Variants in DCC observed in about 807,000 individuals in gnomAD.
The protein encoded by DCC is DCC netrin 1 receptor.
Under a neutral mutation model 172.5 loss-of-function variants are expected in DCC, and 58 were observed. The ratio of observed to expected loss-of-function variants is 0.34; its 90% confidence interval spans 0.27 to 0.42. The LOEUF is 0.42. DCC is among the 10% of genes least tolerant of loss of function. The pLI is 1.00. For missense variants in DCC, 1,740 were observed against 1,791.0 expected, an observed-to-expected ratio of 0.97 and a Z score of 0.51; for synonymous variants, 709 against 644.5, an observed-to-expected ratio of 1.10 and a Z score of -1.52.
chr18:52,812,554 C>G (rs1446724866), intron 2 of DCC, among the ~76,000 whole-genome samples: 1 of 152,114 alleles, frequency 6.6e-6, no homozygotes, highest in Non-Finnish European at 1.5e-5. Flanking sequence ...AGTTATCATC[C>G]AAGTTCAATT....
chr18:53,465,453 GA>G (rs2045609199), intron 24 of DCC, among the ~76,000 whole-genome samples: 1 of 152,064 alleles, frequency 6.6e-6, no homozygotes, highest in South Asian at 2.1e-4. Flanking sequence ...GCTGTCATTT[GA>G]ATTGTTTTAC....
chr18:53,463,569 C>A (rs960701143), intron 24 of DCC, among the ~76,000 whole-genome samples: 1 of 152,074 alleles, frequency 6.6e-6, no homozygotes, highest in Non-Finnish European at 1.5e-5. Context: ...ATGTTAAATT[C>A]TATGATTTGG....
intron 5 of DCC, among the ~76,000 whole-genome samples, chr18:52,947,344 G>C (rs2040564126): frequency 1.3e-5 from 2 of 152,056 alleles, no homozygotes; most frequent in African/African-American, 4.8e-5. Context: ...ATTTGTACTA[G>C]TCAACTCCTT....
intron 1 of DCC, among the ~76,000 whole-genome samples, chr18:52,507,317 G>A (rs559276663): frequency 3.3e-5 from 5 of 152,204 alleles, no homozygotes; most frequent in South Asian, 2.1e-4. Flanking sequence ...AAATTTCTCC[G>A]AGTCAAATAT....
rs34949557 is a variant in DCC, at chr18:53,226,934, G to GTGTATATATATATATA, written c.1911+11338_1911+11339insGTATATATATATATAT. ...TGTAACTGTGTGTGTGTGTGTGTGT[G>GTGTATATATATATATA]TATATATATATATATTTTTTTTTTT... On this transcript the variant is annotated intron_variant, in intron 12 of 28. Transcript: ENST00000442544. Among the ~76,000 whole-genome samples the GTGTATATATATATATA allele has an allele frequency of 4.6e-3, 312 of 67,914 alleles. 5 individuals are homozygous for GTGTATATATATATATA. Among genetic ancestry groups the GTGTATATATATATATA allele is most frequent in the Middle Eastern group, 8.1e-3 (1 of 124 alleles). The allele number at this position is 67,914 out of a possible 152,430, so 44.6% of individuals were successfully genotyped here.
chr18:52,483,800 CTGT>C (rs2144588572), intron 1 of DCC, among the ~76,000 whole-genome samples: 1 of 152,018 alleles, frequency 6.6e-6, no homozygotes, highest in Admixed American at 6.6e-5. Context: ...ATGATTTTCT[CTGT>C]TGTTCTGATC....
At chr18:53,353,851 T>A (rs940719542) in intron 15 of DCC, among the ~76,000 whole-genome samples, 2 of 152,188 alleles carry the variant, frequency 1.3e-5, no homozygotes, top group Admixed American at 6.5e-5. Context: ...ACATGTGCCA[T>A]GTTGGTGTGC....
At chr18:52,482,938 C>A (rs1290411955) in intron 1 of DCC, among the ~76,000 whole-genome samples, 2 of 152,068 alleles carry the variant, frequency 1.3e-5, no homozygotes, top group East Asian at 1.9e-4. Flanking sequence ...TGGGGACTAA[C>A]AATAATTGAA....
intron 2 of DCC, among the ~76,000 whole-genome samples, chr18:52,886,035 CA>C (rs766340320): frequency 1.5e-4 from 23 of 151,924 alleles, no homozygotes; most frequent in Admixed American, 8.5e-4. Flanking sequence ...AGATGCAAGA[CA>C]AAGTCCTCTT....
At chr18:53,500,886 C>T (rs2046089753) in intron 27 of DCC, among the ~76,000 whole-genome samples, 1 of 152,066 alleles carries the variant, frequency 6.6e-6, no homozygotes, top group East Asian at 1.9e-4. Flanking sequence ...CCTCTCTCCA[C>T]CCTCCCATGC....
intron 15 of DCC, among the ~76,000 whole-genome samples, chr18:53,376,304 A>T (rs1359995265): frequency 1.3e-5 from 2 of 152,056 alleles, no homozygotes; most frequent in African/African-American, 4.8e-5. Context: ...AAATTGCTTG[A>T]ACCTAGGAGG....
At chr18:53,360,025 A>G (rs2057928110) in intron 15 of DCC, among the ~76,000 whole-genome samples, 1 of 152,162 alleles carries the variant, frequency 6.6e-6, no homozygotes, top group Non-Finnish European at 1.5e-5. Flanking sequence ...GGAGAAGAGC[A>G]AGATTTGGGC....
At chr18:52,891,058 A>G (rs928977623) in intron 2 of DCC, among the ~76,000 whole-genome samples, 9 of 152,134 alleles carry the variant, frequency 5.9e-5, no homozygotes, top group African/African-American at 2.2e-4. Context: ...AGAAGGCTCA[A>G]TAAATGACAA....
At chr18:53,032,041 A>T (rs906477772) in intron 5 of DCC, among the ~76,000 whole-genome samples, 1 of 152,164 alleles carries the variant, frequency 6.6e-6, no homozygotes, top group Non-Finnish European at 1.5e-5. Flanking sequence ...TGAAATATGT[A>T]TATTGTACTC....
intron 1 of DCC, among the ~76,000 whole-genome samples, chr18:52,659,717 A>G (rs937782890): frequency 6.6e-6 from 1 of 152,138 alleles, no homozygotes; most frequent in African/African-American, 2.4e-5. Context: ...ACTGAACCCA[A>G]TACATTTTTT....
At chr18:52,971,799 A>G (rs1476237473) in intron 5 of DCC, among the ~76,000 whole-genome samples, 3 of 152,206 alleles carry the variant, frequency 2.0e-5, no homozygotes, top group Non-Finnish European at 4.4e-5. Flanking sequence ...GCAGAAAGTT[A>G]TCACCTGGCA....
intron 5 of DCC, among the ~76,000 whole-genome samples, chr18:53,032,218 G>C (rs965474111): frequency 3.3e-5 from 5 of 152,102 alleles, no homozygotes. Context: ...CTAGAAGAAC[G>C]TGAGAAAGAG....
intron 1 of DCC, among the ~76,000 whole-genome samples, chr18:52,474,343 G>A (rs1003539014): frequency 6.6e-5 from 10 of 151,910 alleles, no homozygotes; most frequent in Non-Finnish European, 1.5e-4. Flanking sequence ...AGATTTTAGA[G>A]GCCTTATAAG....
chr18:53,484,282 TA>T (rs1196670952), intron 25 of DCC, among the ~76,000 whole-genome samples: 2 of 151,940 alleles, frequency 1.3e-5, no homozygotes, highest in Non-Finnish European at 2.9e-5. Flanking sequence ...AGGTTCACAA[TA>T]AAAAGCTGTA....
Sources: gnomAD v4.1 joint callset for allele counts (sites outside exome capture counted in the v4.1 genomes callset) on GRCh38, gnomAD v4.1.1 for gene constraint, MANE v1.5 for transcripts, NCBI Gene and HGNC (gene_info 2026-07-23, HGNC 2026-07-21) for gene names.